The following WDR11 variants were observed in gnomAD, a reference collection of about 807,000 sequenced individuals.
WDR11 encodes WD repeat-containing protein 11.
WDR11 carries 83 observed loss-of-function variants against 151.2 expected under a neutral mutation model. The observed-to-expected ratio is 0.55, with a 90% confidence interval of 0.46 to 0.66. The LOEUF (loss-of-function observed/expected upper bound fraction) is 0.66. WDR11 is among the 30% of genes least tolerant of loss of function. WDR11 has a pLI of 0.00. For synonymous variants in WDR11, 484 were observed against 533.1 expected, an observed-to-expected ratio of 0.91 and a Z score of 1.27; for missense variants, 1,301 against 1,480.9, an observed-to-expected ratio of 0.88 and a Z score of 1.99.
chr10:120,889,000 A>C (rs1847322681), intron 16 of WDR11, 78 bp from the exon 17 acceptor site: 3 of 1,117,772 alleles, frequency 2.7e-6, no homozygotes, highest in African/African-American at 3.1e-5. Flanking sequence ...CTTTAAATTA[A>C]GTTTTATTAA....
intron 12 of WDR11, chr10:120,879,979 T>A (rs1329067153): frequency 6.6e-6 from 1 of 152,346 alleles, no homozygotes; most frequent in East Asian, 1.9e-4. Context: ...AACACCGTAG[T>A]TATTCCCTAG....
rs1455329661 is a variant in WDR11, at chr10:120,866,986, C to G, written c.1191-80C>G. 5 of 1,232,930 alleles carry G rather than the reference C, an allele frequency of 4.1e-6. No homozygotes were observed. In the Admixed American group the frequency reaches 8.9e-5, roughly 22 times the overall value. 76.4% of individuals were successfully genotyped at this position (1,232,930 alleles called of 1,614,324 possible). On this transcript the variant is annotated intron_variant, in intron 8 of 28. Coordinates refer to ENST00000263461, the MANE Select transcript of WDR11 (RefSeq NM_018117.12). ...ATAAAAATAGATAGAATGCCATAATCTGGACTTAATACTTTGAATTCCTAA... is the reference window on the plus strand; with the variant it reads ...ATAAAAATAGATAGAATGCCATAATGTGGACTTAATACTTTGAATTCCTAA...
At chr10:120,881,115 T>TTGC (rs1207318326) in intron 13 of WDR11, among the ~76,000 whole-genome samples, 1 of 152,248 alleles carries the variant, frequency 6.6e-6, no homozygotes, top group Non-Finnish European at 1.5e-5. Flanking sequence ...GAAGTAACTT[T>TTGC]TGCATGAATC....
chr10:120,882,057 T>TA (rs1470205209), intron 13 of WDR11, among the ~76,000 whole-genome samples: 1 of 152,086 alleles, frequency 6.6e-6, no homozygotes, highest in Non-Finnish European at 1.5e-5. Context: ...GTATTATGAG[T>TA]AGGTGTTGAA....
At chr10:120,887,998 C>G (rs192064801) in intron 16 of WDR11, among the ~76,000 whole-genome samples, 1 of 151,682 alleles carries the variant, frequency 6.6e-6, no homozygotes, top group Non-Finnish European at 1.5e-5. Context: ...TGTTTTGTTT[C>G]TTGACTATTA....
intron 11 of WDR11, among the ~76,000 whole-genome samples, chr10:120,875,062 A>AG (rs924601780): frequency 6.6e-6 from 1 of 151,284 alleles, no homozygotes; most frequent in Non-Finnish European, 1.5e-5. Context: ...GAGAACATGC[A>AG]GTGTTTGGTT....
chr10:120,869,403 G>A (rs1260651528), intron 9 of WDR11, among the ~76,000 whole-genome samples: 4 of 151,988 alleles, frequency 2.6e-5, no homozygotes, highest in Non-Finnish European at 5.9e-5. Context: ...GTGAGCCACC[G>A]CGCCCGGCCA....
At chr10:120,858,505 A>C in intron 2 of WDR11, 138 bp from the exon 3 acceptor site, 1 of 1,071,704 alleles carries the variant, frequency 9.3e-7, no homozygotes, top group Non-Finnish European at 1.4e-6. Flanking sequence ...TTCAAAATGA[A>C]AACCAGTTTT....
Position 120,853,566 on chromosome 10 carries a change from G to C in WDR11, c.198+931G>C, listed in dbSNP as rs528911664. ...AGGTGTGAGTCACCGCGCCCAGCAG[G>C]AATTTGGATTTTTGAGTAGGAGATT... On this transcript the variant is annotated intron_variant, in intron 2 of 28. Coordinates refer to ENST00000263461, the MANE Select transcript of WDR11 (RefSeq NM_018117.12). Among the ~76,000 whole-genome samples, 3 of 152,060 alleles carry C rather than the reference G, an allele frequency of 2.0e-5. No individual in the cohort carries two copies. In the South Asian group the frequency reaches 6.2e-4, roughly 32 times the overall value.
At position 120,904,816 on chromosome 10, in the gene WDR11, G is replaced by A; in HGVS notation, c.3193+5G>A. The A allele has an allele frequency of 6.2e-7, 1 of 1,614,126 alleles. No individual in the cohort carries two copies. The highest frequency in any genetic ancestry group is 1.1e-5 in the South Asian group (1 of 91,080). On this transcript the variant is annotated splice_donor_5th_base_variant and intron_variant, in intron 25 of 28. Coordinates refer to ENST00000263461, the MANE Select transcript of WDR11 (RefSeq NM_018117.12). Reference sequence around the variant, plus strand: ...TTGCCAATGGCAAATTGGCAGGTAAGGCACACTTGATATGTTTGTCATCTC... The same window carrying A: ...TTGCCAATGGCAAATTGGCAGGTAAAGCACACTTGATATGTTTGTCATCTC...
In WDR11 at chr10:120,880,875, C is replaced by A; in HGVS notation, c.1713C>A (p.Ile571=). 6.2e-7 allele frequency: 1 copy of A among 1,602,744 alleles called. No individual in the cohort carries two copies. Among genetic ancestry groups the A allele is most frequent in the Non-Finnish European group, 8.5e-7 (1 of 1,173,006 alleles). The change falls in exon 13 of 29, where the codon ATC becomes ATA. Residue 571 remains isoleucine, a synonymous_variant. Coordinates refer to ENST00000263461, the MANE Select transcript of WDR11 (RefSeq NM_018117.12). ...AAAGAGGCAATGATGAATCTGCCAT[C>A]GAAATGATTAAAGTATCTCATTTGA... ...RGERGNDESA[I]EMIKVSHLKQ...
At chr10:120,881,202 T>C (rs1005629860) in intron 13 of WDR11, among the ~76,000 whole-genome samples, 5 of 152,212 alleles carry the variant, frequency 3.3e-5, no homozygotes, top group African/African-American at 1.2e-4. Flanking sequence ...CTCATTTTCT[T>C]TATGTATAAT....
In WDR11 at chr10:120,866,606, A is replaced by G. The variant is rs142204275; in HGVS notation, c.1032A>G (p.Arg344=). 1.2e-5 allele frequency: 19 copies of G among 1,614,092 alleles called. No individual in the cohort carries two copies. The highest frequency in any genetic ancestry group is 1.5e-5 in the Non-Finnish European group (18 of 1,180,046). ...DPVQELTYDL[R]SQCDAIRVTK... ...TTCAGGAGCTTACCTATGATTTACGAAGCCAGTGTGATGCAATCAGGGTGA... is the reference window on the plus strand; with the variant it reads ...TTCAGGAGCTTACCTATGATTTACGGAGCCAGTGTGATGCAATCAGGGTGA... The change falls in exon 8 of 29, where the codon CGA becomes CGG. Residue 344 remains arginine (R), a synonymous_variant. Transcript: ENST00000263461.
At chr10:120,908,405 C>T in intron 28 of WDR11, 151 bp from the exon 29 acceptor site, 1 of 782,342 alleles carries the variant, frequency 1.3e-6, no homozygotes, top group Admixed American at 1.9e-5. Context: ...CGAAAAGTCT[C>T]CTGTGTTCAT....
chr10:120,905,073 T>C (rs1847981006), intron 25 of WDR11, among the ~76,000 whole-genome samples: 1 of 152,164 alleles, frequency 6.6e-6, no homozygotes, highest in African/African-American at 2.4e-5. Flanking sequence ...ATCAGAACAA[T>C]AAAACCTGTG....
rs74728918 is a variant in WDR11 at position 120,871,365 on chromosome 10, C to A, written c.1471+19C>A. 1.5e-6 allele frequency: 2 copies of A among 1,295,834 alleles called. No individual in the cohort carries two copies. The highest frequency in any genetic ancestry group is 1.4e-5 in the South Asian group (1 of 71,130). The allele number at this position is 1,295,834 out of a possible 1,614,324, so 80.3% of individuals were successfully genotyped here. ...GCTGTTGGTGAGTATTTGACCTGGT[C>A]TTTTTTTTTTTAACTCACTTTATAA... On this transcript the variant is annotated intron_variant, in intron 10 of 28. Coordinates refer to ENST00000263461, the MANE Select transcript of WDR11 (RefSeq NM_018117.12).
rs1308079382 is a variant in WDR11 at position 120,904,662 on chromosome 10, A to G, written c.3044A>G (p.Gln1015Arg). 6.2e-7 allele frequency: 1 copy of G among 1,614,104 alleles called. No individual in the cohort carries two copies. The highest frequency in any genetic ancestry group is 8.5e-7 in the Non-Finnish European group (1 of 1,180,036). ...LLLGQTDRAV[Q>R]LLLETSADNQ... is the part of the protein sequence containing the mutation. ...TCTTACTAGACAGACAGAGCTGTGC[A>G]GTTGCTGTTGGAAACAAGTGCAGAT... Residue 1015 changes from glutamine (Q) to arginine (R), a missense_variant, in exon 25 of 29, where the codon CAG becomes CGG. Physicochemically the swap from Gln to Arg is conservative, Grantham distance 43. Coordinates refer to ENST00000263461, the MANE Select transcript of WDR11 (RefSeq NM_018117.12).
intron 5 of WDR11, among the ~76,000 whole-genome samples, chr10:120,863,211 T>C (rs1304104001): frequency 1.3e-5 from 2 of 152,208 alleles, no homozygotes; most frequent in African/African-American, 4.8e-5. Context: ...ATCCTAAAGT[T>C]CAGGCAATTG....
At chr10:120,890,665 TAAAG>T (rs1847402208) in intron 18 of WDR11, 47 bp from the exon 19 acceptor site, 5 of 1,609,316 alleles carry the variant, frequency 3.1e-6, no homozygotes, top group Non-Finnish European at 4.3e-6. Flanking sequence ...TCTAGAATAA[TAAAG>T]ATCTTCCTTT....
Sources: gnomAD v4.1 joint callset for allele counts (sites outside exome capture counted in the v4.1 genomes callset) on GRCh38, gnomAD v4.1.1 for gene constraint, MANE v1.5 for transcripts, NCBI Gene and HGNC (gene_info 2026-07-23, HGNC 2026-07-21) for gene names.